The following NADSYN1 variants were observed in gnomAD, a reference collection of about 807,000 sequenced individuals.
NADSYN1 encodes the protein NAD synthetase 1, also known as glutamine-dependent NAD(+) synthetase.
NADSYN1 carries 80 observed loss-of-function variants against 99.3 expected under a neutral mutation model. That is an observed-to-expected ratio of 0.81 (90% CI 0.67 to 0.97). The LOEUF is 0.97. NADSYN1 is among the 50% of genes least tolerant of loss of function. The pLI, the probability that NADSYN1 is intolerant of heterozygous loss-of-function variation, is 0.00. For synonymous variants in NADSYN1, 385 were observed against 372.1 expected (o/e 1.03, Z -0.40); for missense variants, 859 against 948.5 (o/e 0.91, Z 1.24).
intron 10 of NADSYN1, among the ~76,000 whole-genome samples, 198 bp from the exon 11 acceptor site, chr11:71,480,557 C>T (rs12285566): frequency 0.031 from 4,753 of 152,252 alleles, 225 homozygotes; most frequent in African/African-American, 0.1. Context: ...TTGAGAATCC[C>T]GGTTTCTCAC....
chr11:71,500,550 G>A (rs1949850574), intron 20 of NADSYN1, among the ~76,000 whole-genome samples: 1 of 149,920 alleles, frequency 6.7e-6, no homozygotes, highest in Non-Finnish European at 1.5e-5. Flanking sequence ...AGAATTCTTT[G>A]TTCCACGTGT....
intron 3 of NADSYN1, among the ~76,000 whole-genome samples, chr11:71,461,099 C>T (rs1030729037): frequency 6.6e-6 from 1 of 152,306 alleles, no homozygotes; most frequent in Admixed American, 6.5e-5. Context: ...CGAAACATGT[C>T]AGTCCATTCC....
intron 6 of NADSYN1, 152 bp from the exon 7 acceptor site, chr11:71,473,126 G>A (rs1005039455): frequency 1.5e-5 from 11 of 724,384 alleles, no homozygotes; most frequent in Middle Eastern, 2.4e-4. Context: ...TGTCCCATGC[G>A]CAGCCGCAGG....
At chr11:71,498,567 G>A (rs1949836640) in intron 20 of NADSYN1, 39 bp downstream of exon 20, 1 of 1,599,238 alleles carries the variant, frequency 6.3e-7, no homozygotes, top group East Asian at 2.2e-5. Context: ...CATGTTTCAT[G>A]TCTGTAGAAG....
intron 16 of NADSYN1, among the ~76,000 whole-genome samples, chr11:71,489,914 T>A (rs116763380): frequency 0.086 from 13,024 of 152,162 alleles, 685 homozygotes; most frequent in African/African-American, 0.15. Context: ...ATGGAGGAGA[T>A]GGGTGGTCAG....
Position 71,483,023 on chromosome 11 carries a change from G to T in NADSYN1, c.1319+6G>T. ...TTGGCCCAGCAGATTGGAAGGTAGAGTTGGTCCCTGGTATTGGGCATGGCA... is the reference window on the plus strand; with the variant it reads ...TTGGCCCAGCAGATTGGAAGGTAGATTTGGTCCCTGGTATTGGGCATGGCA... On this transcript the variant is annotated splice_donor_region_variant and intron_variant, in intron 14 of 20. Transcript: ENST00000319023. The T allele has an allele frequency of 6.2e-7, 1 of 1,611,702 alleles. No individual in the cohort carries two copies. Among genetic ancestry groups the T allele is most frequent in the Non-Finnish European group, 8.5e-7 (1 of 1,179,502 alleles).
intron 16 of NADSYN1, among the ~76,000 whole-genome samples, chr11:71,486,814 T>C (rs1949746107): frequency 7.2e-6 from 1 of 139,088 alleles, no homozygotes; most frequent in East Asian, 2.1e-4. Flanking sequence ...TTTTTTTTTT[T>C]TTTTTTTTTG....
chr11:71,477,859 C>A (rs1949679568), intron 9 of NADSYN1, among the ~76,000 whole-genome samples: 1 of 152,244 alleles, frequency 6.6e-6, no homozygotes. Flanking sequence ...TCTCAGATTG[C>A]CTCTCCTCGT....
chr11:71,494,500 G>T (rs988428894), intron 18 of NADSYN1, among the ~76,000 whole-genome samples: 1 of 152,048 alleles, frequency 6.6e-6, no homozygotes. Flanking sequence ...CTGTCATTCA[G>T]TGATGCGCGC....
chr11:71,475,094 G>A, intron 9 of NADSYN1: 1 of 167,358 alleles, frequency 6.0e-6, no homozygotes, highest in East Asian at 1.6e-4. Flanking sequence ...TGAATTCCGA[G>A]GGCTGGCAGG....
chr11:71,453,769 T>C (rs1383167382), intron 1 of NADSYN1, among the ~76,000 whole-genome samples: 4 of 151,988 alleles, frequency 2.6e-5, no homozygotes, highest in Non-Finnish European at 5.9e-5. Context: ...AGGCCAGAGA[T>C]TGATGGTCTC....
intron 5 of NADSYN1, among the ~76,000 whole-genome samples, chr11:71,471,358 A>C (rs1949625572): frequency 6.6e-6 from 1 of 152,224 alleles, no homozygotes; most frequent in African/African-American, 2.4e-5. Flanking sequence ...TTTAGTAAAG[A>C]GTACTTGGCA....
intron 18 of NADSYN1, among the ~76,000 whole-genome samples, chr11:71,495,319 T>C (rs1949811890): frequency 6.6e-6 from 1 of 152,252 alleles, no homozygotes; most frequent in Non-Finnish European, 1.5e-5. Context: ...TTTCCACGTA[T>C]GCATGAATTT....
intron 5 of NADSYN1, chr11:71,464,575 C>G (rs1949574544): frequency 6.5e-6 from 1 of 154,260 alleles, no homozygotes; most frequent in African/African-American, 2.4e-5. Flanking sequence ...TCTTAGAAAG[C>G]TGGGGTTTTG....
At chr11:71,482,177 C>T in intron 13 of NADSYN1, 152 bp downstream of exon 13, 1 of 667,644 alleles carries the variant, frequency 1.5e-6, no homozygotes, top group South Asian at 1.9e-5. Flanking sequence ...CACAGCATCA[C>T]ATCCCAGTCC....
intron 5 of NADSYN1, among the ~76,000 whole-genome samples, chr11:71,468,957 T>C (rs1233857780): frequency 6.6e-6 from 1 of 152,180 alleles, no homozygotes; most frequent in Non-Finnish European, 1.5e-5. Flanking sequence ...TAAAATTTTA[T>C]GGGAGGGCAT....
At position 71,498,421 on chromosome 11, in the gene NADSYN1, C is replaced by G; in HGVS notation, c.1963C>G (p.Pro655Ala). The change falls in exon 20 of 21, where the codon CCC (proline) becomes GCC (alanine). Residue 655 changes from proline (P) to alanine (A), a missense_variant. Pro to Ala is a conservative substitution (Grantham distance 27, BLOSUM62 -1). Transcript: ENST00000319023. ...MNRHKMTTLT[P>A]AYHAENYSPE... ...CAGACACAAGATGACCACGCTCACACCCGCGTACCACGCCGAGAACTACAG... is the reference window on the plus strand; with the variant it reads ...CAGACACAAGATGACCACGCTCACAGCCGCGTACCACGCCGAGAACTACAG... The G allele has an allele frequency of 6.2e-7, 1 of 1,614,156 alleles. No individual in the cohort carries two copies. Among genetic ancestry groups the G allele is most frequent in the Non-Finnish European group, 8.5e-7 (1 of 1,180,022 alleles).
chr11:71,484,515 G>A (rs1380578272), intron 15 of NADSYN1, 68 bp downstream of exon 15: 2 of 1,529,836 alleles, frequency 1.3e-6, no homozygotes, highest in Non-Finnish European at 8.8e-7. Flanking sequence ...ATCACTACAG[G>A]ATGTGCAGGT....
rs918169242 is a variant in NADSYN1, at chr11:71,501,525, C to A, written c.*173C>A. ...TCCTCAAAAAGAGGCTGGAATAAAG[C>A]CTGGGCTTAAAAAGAGGCTGGAATC... On this transcript the variant is annotated 3_prime_UTR_variant, in exon 21 of 21. Transcript: ENST00000319023. 2 of 607,848 alleles carry A rather than the reference C, an allele frequency of 3.3e-6. No individual in the cohort carries two copies. The highest frequency in any genetic ancestry group is 6.4e-5 in the Admixed American group (2 of 31,208). 37.7% of individuals were successfully genotyped at this position (607,848 alleles called of 1,614,324 possible).
Sources: allele counts gnomAD v4.1 joint callset (sites outside exome capture counted in the v4.1 genomes callset), GRCh38; gene constraint gnomAD v4.1.1; transcripts MANE v1.5; gene names NCBI Gene and HGNC (gene_info 2026-07-23, HGNC 2026-07-21).